LINGO2: variants seen among roughly 807,000 people sequenced by gnomAD.
The protein encoded by LINGO2 is leucine rich repeat and Ig domain containing 2, also known as leucine-rich repeat and immunoglobulin-like domain-containing nogo receptor-interacting protein 2.
Under a neutral mutation model 30.6 loss-of-function variants are expected in LINGO2, and 14 were observed. The observed-to-expected ratio is 0.46, with a 90% CI of 0.30 to 0.72. The LOEUF (loss-of-function observed/expected upper bound fraction) is 0.72. LINGO2 is among the 30% of genes least tolerant of loss of function. The pLI is 0.07. For missense variants in LINGO2, 729 were observed against 751.7 expected, an observed-to-expected ratio of 0.97 and a Z score of 0.35; for synonymous variants, 317 against 288.5, an observed-to-expected ratio of 1.10 and a Z score of -1.00.
intron 1 of LINGO2, among the ~76,000 whole-genome samples, chr9:28,595,455 G>T (rs1377122575): frequency 1.3e-5 from 2 of 151,952 alleles, no homozygotes; most frequent in Non-Finnish European, 2.9e-5. Context: ...CTGACACAAA[G>T]GTGCCCTTTG....
the LINGO2 span, among the ~76,000 whole-genome samples, chr9:28,742,295 C>T: frequency 1.4e-5 from 2 of 147,072 alleles, no homozygotes; most frequent in Non-Finnish European, 3.0e-5. Context: ...TTCTGCACTA[C>T]ACACAGGTGC....
In LINGO2 at chr9:28,646,128, T is replaced by C. The variant is rs576294634; in HGVS notation, c.-365+24072A>G. 1.4e-4 allele frequency among the ~76,000 whole-genome samples: 22 copies of C among 152,250 alleles called. 1 individual carries two copies. Among genetic ancestry groups the C allele is most frequent in the African/African-American group, 5.1e-4 (21 of 41,566 alleles). ...TTCATAATTCTTAGTTATTAGTGTT[T>C]TTACTTTTTGTCAGGAAAATCTTCA... On this transcript the variant is annotated intron_variant, in intron 1 of 5. Transcript: ENST00000379992.
intron 1 of LINGO2, among the ~76,000 whole-genome samples, chr9:28,669,107 G>A (rs569510134): frequency 3.1e-4 from 47 of 151,692 alleles, no homozygotes; most frequent in African/African-American, 5.1e-4. Flanking sequence ...CTATATTTCT[G>A]CATATGAAGA....
the LINGO2 span, among the ~76,000 whole-genome samples, chr9:28,986,068 T>C: frequency 2.0e-5 from 3 of 152,046 alleles, no homozygotes; most frequent in Non-Finnish European, 4.4e-5. Context: ...TTCATTTTTC[T>C]GCATGCATAT....
At chr9:28,999,757 G>A in the LINGO2 span, among the ~76,000 whole-genome samples, 3 of 151,894 alleles carry the variant, frequency 2.0e-5, no homozygotes, top group Non-Finnish European at 4.4e-5. Context: ...TGTATATTGT[G>A]CATTATAAAC....
Position 28,189,137 on chromosome 9 carries a change from C to A in LINGO2, c.-87+106071G>T, listed in dbSNP as rs142656534. The stretch of plus-strand genomic sequence containing the variant: ...TTCAGAACAAAGTTCCTGAGGTTAG[C>A]TTTATACACCTTTCCAAACCACTCA... On this transcript the variant is annotated intron_variant, in intron 4 of 5. Transcript: ENST00000379992. Among the ~76,000 whole-genome samples, 895 of 151,768 alleles carry A rather than the reference C, an allele frequency of 5.9e-3. 15 individuals carry two copies. Among genetic ancestry groups the A allele is most frequent in the African/African-American group, 0.02 (844 of 41,376 alleles).
intron 3 of LINGO2, among the ~76,000 whole-genome samples, chr9:28,310,305 G>A (rs563622972): frequency 6.6e-6 from 1 of 152,178 alleles, no homozygotes; most frequent in Non-Finnish European, 1.5e-5. Flanking sequence ...ACCAACATGT[G>A]AGTGGGTAAA....
intron 1 of LINGO2, among the ~76,000 whole-genome samples, chr9:28,496,539 A>G (rs1819636609): frequency 6.6e-6 from 1 of 151,092 alleles, no homozygotes; most frequent in Admixed American, 6.6e-5. Flanking sequence ...CTTTATTTTG[A>G]GCCTATGTGT....
chr9:28,977,383 G>A, the LINGO2 span, among the ~76,000 whole-genome samples: 3 of 151,968 alleles, frequency 2.0e-5, no homozygotes, highest in Admixed American at 2.0e-4. Context: ...ATAATCCATA[G>A]GGATGTTTTC....
the LINGO2 span, among the ~76,000 whole-genome samples, chr9:29,060,244 C>G: frequency 3.3e-5 from 5 of 151,944 alleles, no homozygotes; most frequent in African/African-American, 9.7e-5. Context: ...AAATGAGCCA[C>G]TACAGACCAG....
At chr9:29,099,120 T>A in the LINGO2 span, among the ~76,000 whole-genome samples, 2 of 152,138 alleles carry the variant, frequency 1.3e-5, no homozygotes, top group South Asian at 4.1e-4. Flanking sequence ...TCCAATTACA[T>A]ACACTGGGGA....
chr9:27,952,428 T>G (rs985903160), intron 5 of LINGO2, among the ~76,000 whole-genome samples: 1 of 151,928 alleles, frequency 6.6e-6, no homozygotes, highest in Non-Finnish European at 1.5e-5. Context: ...AAGAATAATG[T>G]TTTAAGCTTG....
intron 4 of LINGO2, among the ~76,000 whole-genome samples, chr9:28,068,040 G>C (rs1825365160): frequency 6.6e-6 from 1 of 152,110 alleles, no homozygotes; most frequent in Non-Finnish European, 1.5e-5. Flanking sequence ...GCATCAATTA[G>C]TTCTCTGGAA....
In LINGO2 at chr9:28,148,270, G is replaced by T; in HGVS notation, c.-86-135865C>A. On this transcript the variant is annotated intron_variant, in intron 4 of 5. Coordinates refer to ENST00000379992, the Ensembl canonical transcript of LINGO2. This position sits in a 1 kb window ranked among gnomAD's most constrained non-coding sequence, Gnocchi z 5.1. ...CCCCACAGAGGGTCCTGTCTCCTGT[G>T]GTCTGGAGCCCCGCCTCAAGGAAGA... 1.3e-6 allele frequency: 1 copy of T among 770,988 alleles called. No homozygotes were observed. The highest frequency in any genetic ancestry group is 2.1e-6 in the Non-Finnish European group (1 of 468,396). The allele number at this position is 770,988 out of a possible 1,614,324, so 47.8% of individuals were successfully genotyped here.
chr9:29,174,591 T>A, the LINGO2 span, among the ~76,000 whole-genome samples: 1 of 152,218 alleles, frequency 6.6e-6, no homozygotes, highest in Non-Finnish European at 1.5e-5. Context: ...CACATGAAAT[T>A]TCCCTTTTAT....
chr9:28,616,093 A>G (rs1826120045), intron 1 of LINGO2, among the ~76,000 whole-genome samples: 1 of 152,060 alleles, frequency 6.6e-6, no homozygotes, highest in South Asian at 2.1e-4. Flanking sequence ...TGGTATGTTC[A>G]ATTTGTGAAA....
At chr9:29,080,634 G>C in the LINGO2 span, among the ~76,000 whole-genome samples, 43 of 152,136 alleles carry the variant, frequency 2.8e-4, no homozygotes, top group African/African-American at 9.6e-4. Context: ...AGAGATTCTG[G>C]TATGTTGTGT....
intron 1 of LINGO2, among the ~76,000 whole-genome samples, chr9:28,630,122 TAG>T (rs1411671325): frequency 6.6e-6 from 1 of 152,072 alleles, no homozygotes; most frequent in African/African-American, 2.4e-5. Flanking sequence ...GATGACGAGT[TAG>T]TGGGTGCAGT....
chr9:28,088,432 G>C (rs1240468429), intron 4 of LINGO2, among the ~76,000 whole-genome samples: 1 of 151,972 alleles, frequency 6.6e-6, no homozygotes, highest in African/African-American at 2.4e-5. Flanking sequence ...TTAAAACCAA[G>C]ATCTTCCTTT....
Sources: gnomAD v4.1 joint callset for allele counts (sites outside exome capture counted in the v4.1 genomes callset) on GRCh38, gnomAD v4.1.1 for gene constraint, Gnocchi (gnomAD v3.1) non-coding constraint, MANE v1.5 for transcripts, NCBI Gene and HGNC (gene_info 2026-07-23, HGNC 2026-07-21) for gene names.